The following RNF128 variants were observed in gnomAD, a reference collection of about 807,000 sequenced individuals.
RNF128 encodes E3 ubiquitin-protein ligase RNF128.
In RNF128, 13 loss-of-function variants were observed where a neutral mutation model predicts 26.2. The observed-to-expected ratio is 0.50, with a 90% CI of 0.32 to 0.79. The LOEUF is 0.79. RNF128 is among the 30% of genes least tolerant of loss of function. The pLI, the probability that RNF128 is intolerant of heterozygous loss-of-function variation, is 0.03. For synonymous variants in RNF128, 149 were observed against 142.5 expected (o/e 1.05, Z -0.32); for missense variants, 315 against 349.7 (o/e 0.90, Z 0.79).
chrX:106,729,024 G>A (rs974900765), intron 1 of RNF128, among the ~76,000 whole-genome samples: 5 of 111,569 alleles, frequency 4.5e-5, no homozygotes, highest in African/African-American at 1.3e-4. Context: ...TAATAGCAAG[G>A]GTTTGACTTT....
exon 1 of RNF128, chrX:106,694,005 G>A: frequency 8.4e-7 from 1 of 1,188,011 alleles, no homozygotes; most frequent in Non-Finnish European, 1.1e-6. Flanking sequence ...AATGAGCAAT[G>A]AACCAGGAGA....
At position 106,764,257 on chromosome X, in the gene RNF128, G is replaced by T. The variant is rs986488796; in HGVS notation, c.485-8656G>T. 2.7e-5 allele frequency among the ~76,000 whole-genome samples: 3 copies of T among 110,015 alleles called. No individual in the cohort carries two copies. The Admixed American group carries it at 2.9e-4, about 11-fold the overall frequency. Reference sequence around the variant, plus strand: ...TGGAATTACAGGCGTGAGCCACCACGCCCGGCCTTGTTTTGTTTTTCAACC... The same window carrying T: ...TGGAATTACAGGCGTGAGCCACCACTCCCGGCCTTGTTTTGTTTTTCAACC... On this transcript the variant is annotated intron_variant, in intron 1 of 6. Coordinates refer to ENST00000255499, the MANE Select transcript of RNF128 (RefSeq NM_194463.2).
At chrX:106,788,037 G>C (rs1930688439) in intron 4 of RNF128, 37 bp downstream of exon 4, 2 of 839,259 alleles carry the variant, frequency 2.4e-6, no homozygotes, top group East Asian at 3.6e-5. Context: ...CAATAAAATA[G>C]CTGACCCACA....
At position 106,733,981 on chromosome X, in the gene RNF128, G is replaced by A. The variant is rs139843502; in HGVS notation, c.484+6584G>A. 7.9e-3 allele frequency among the ~76,000 whole-genome samples: 886 copies of A among 112,247 alleles called. 2 individuals are homozygous for A. The highest frequency in any genetic ancestry group is 0.012 in the Non-Finnish European group (641 of 53,257). On this transcript the variant is annotated intron_variant, in intron 1 of 6. Transcript: ENST00000255499. ...CTCCCAAAGTGCTGGAATTACAGGC[G>A]TGAGCCACAGTGCCCAGCTTATCAT...
chrX:106,755,018 C>A (rs1929974956), intron 1 of RNF128, among the ~76,000 whole-genome samples: 5 of 111,259 alleles, frequency 4.5e-5, no homozygotes, highest in Admixed American at 2.9e-4. Flanking sequence ...AATCAACAAA[C>A]CTTTAGCCAG....
At chrX:106,789,231 A>G (rs1930764779) in intron 4 of RNF128, among the ~76,000 whole-genome samples, 1 of 94,833 alleles carries the variant, frequency 1.1e-5, no homozygotes, top group African/African-American at 3.7e-5. Context: ...AATTCCAACT[A>G]AGGAGTGAAC....
upstream of RNF128, among the ~76,000 whole-genome samples, chrX:106,723,475 G>A (rs960286339): frequency 1.3e-4 from 14 of 110,993 alleles, no homozygotes; most frequent in African/African-American, 3.6e-4. Context: ...GCTGAGGCAG[G>A]AGAATCGCTT....
At chrX:106,711,322 A>G (rs746108405) in intron 1 of RNF128, among the ~76,000 whole-genome samples, 1 of 111,983 alleles carries the variant, frequency 8.9e-6, no homozygotes, top group African/African-American at 3.3e-5. Flanking sequence ...TGGTTTACAT[A>G]TTTATGGAGC....
At chrX:106,776,047 T>C (rs1930459515) in intron 2 of RNF128, among the ~76,000 whole-genome samples, 1 of 112,355 alleles carries the variant, frequency 8.9e-6, no homozygotes, top group Non-Finnish European at 1.9e-5. Context: ...CAAAAAAGTA[T>C]CAATGGATTA....
intron 1 of RNF128, among the ~76,000 whole-genome samples, chrX:106,708,059 T>TC (rs1929072204): frequency 9.0e-6 from 1 of 111,716 alleles, no homozygotes; most frequent in Non-Finnish European, 1.9e-5. Context: ...TGAGCATCTA[T>TC]CCCCCCAGTC....
intron 1 of RNF128, among the ~76,000 whole-genome samples, chrX:106,735,817 A>G (rs1929587209): frequency 9.0e-6 from 1 of 111,388 alleles, no homozygotes; most frequent in Admixed American, 9.6e-5. Context: ...TTGACGACTA[A>G]AAGAATTTTC....
intron 2 of RNF128, among the ~76,000 whole-genome samples, chrX:106,778,253 A>G (rs1930503584): frequency 1.8e-5 from 2 of 111,720 alleles, no homozygotes; most frequent in Admixed American, 1.9e-4. Flanking sequence ...CACTGTTTAT[A>G]AATATTATGC....
chrX:106,741,645 C>A (rs1240880667), intron 1 of RNF128, among the ~76,000 whole-genome samples: 1 of 112,040 alleles, frequency 8.9e-6, no homozygotes, highest in African/African-American at 3.2e-5. Context: ...AGAGGACGCA[C>A]ACCTTAGACT....
chrX:106,750,738 CA>C (rs796775898), intron 1 of RNF128, among the ~76,000 whole-genome samples: 29 of 107,885 alleles, frequency 2.7e-4, no homozygotes, highest in Middle Eastern at 4.7e-3. Flanking sequence ...TGACATCACA[CA>C]AAAAAAAAGA....
chrX:106,770,055 G>A (rs758445640), intron 1 of RNF128, among the ~76,000 whole-genome samples: 6 of 110,420 alleles, frequency 5.4e-5, no homozygotes, highest in African/African-American at 2.0e-4. Context: ...AATTCTTTAA[G>A]AATGTTGAAT....
At chrX:106,769,132 A>G (rs1210743820) in intron 1 of RNF128, among the ~76,000 whole-genome samples, 1 of 111,852 alleles carries the variant, frequency 8.9e-6, no homozygotes, top group Non-Finnish European at 1.9e-5. Context: ...TTTTACTTCC[A>G]ACTATGTCGT....
chrX:106,767,986 T>C (rs1299869516), intron 1 of RNF128, among the ~76,000 whole-genome samples: 1 of 111,956 alleles, frequency 8.9e-6, no homozygotes, highest in Non-Finnish European at 1.9e-5. Flanking sequence ...GTGGTTTTTA[T>C]CTTTGGTTCT....
intron 1 of RNF128, among the ~76,000 whole-genome samples, chrX:106,702,621 A>G (rs1024400613): frequency 1.8e-5 from 2 of 112,164 alleles, no homozygotes; most frequent in African/African-American, 6.5e-5. Context: ...ATATAAACAA[A>G]TTATATCTGT....
intron 1 of RNF128, among the ~76,000 whole-genome samples, chrX:106,742,784 C>T (rs1443091274): frequency 9.0e-6 from 1 of 111,056 alleles, no homozygotes; most frequent in Non-Finnish European, 1.9e-5. Flanking sequence ...CCTCCATGCA[C>T]TTCAGGAAAC....
Sources: gnomAD v4.1 joint callset for allele counts (sites outside exome capture counted in the v4.1 genomes callset) on GRCh38, gnomAD v4.1.1 for gene constraint, MANE v1.5 for transcripts, NCBI Gene and HGNC (gene_info 2026-07-23, HGNC 2026-07-21) for gene names.